The following RCC1 variants were observed in gnomAD, a reference collection of about 807,000 sequenced individuals.
The protein encoded by RCC1 is regulator of chromosome condensation.
A neutral mutation model predicts 44.4 loss-of-function variants in RCC1; 11 were observed. The ratio of observed to expected loss-of-function variants is 0.25; its 90% confidence interval spans 0.16 to 0.41. The LOEUF (loss-of-function observed/expected upper bound fraction) is 0.41. Among genes scored for constraint, RCC1 ranks in the 10% least tolerant of loss-of-function variants. The pLI is 1.00. For synonymous variants in RCC1, 213 were observed against 216.5 expected (o/e 0.98, Z 0.14); for missense variants, 386 against 547.1 (o/e 0.71, Z 2.94).
chr1:28,506,198 TTAC>T (rs1479048765), intron 1 of RCC1, 114 bp downstream of exon 1: 3 of 443,298 alleles, frequency 6.8e-6, no homozygotes, highest in Non-Finnish European at 1.3e-5. Context: ...TTTTATTTAT[TTAC>T]TTTTTTTTTT....
chr1:28,508,784 T>G (rs748243866), intron 2 of RCC1, 46 bp from the exon 3 acceptor site: 1 of 518,728 alleles, frequency 1.9e-6, no homozygotes. Flanking sequence ...GATTTTAAGT[T>G]GAAGTAGGAT....
At chr1:28,535,598 C>G in intron 9 of RCC1, 2 of 807,890 alleles carry the variant, frequency 2.5e-6, no homozygotes, top group Middle Eastern at 2.2e-4. Flanking sequence ...ACCTGTAAAC[C>G]TACTTCATTA....
At chr1:28,511,435 C>G (rs765379853) in intron 3 of RCC1, among the ~76,000 whole-genome samples, 4 of 148,712 alleles carry the variant, frequency 2.7e-5, no homozygotes, top group Admixed American at 6.8e-5. Flanking sequence ...GAGTCTCGCT[C>G]TGTCGCCCAG....
chr1:28,506,201 C>A, intron 1 of RCC1, 117 bp downstream of exon 1: 1 of 400,968 alleles, frequency 2.5e-6, no homozygotes, highest in Non-Finnish European at 4.9e-6. Context: ...TATTTATTTA[C>A]TTTTTTTTTT....
intron 4 of RCC1, among the ~76,000 whole-genome samples, chr1:28,525,816 C>G (rs562954412): frequency 1.3e-5 from 2 of 152,178 alleles, no homozygotes; most frequent in South Asian, 4.1e-4. Context: ...GTCCATATAC[C>G]ATGGAGGGGA....
At chr1:28,532,533 G>C in intron 7 of RCC1, 183 bp downstream of exon 7, 1 of 614,810 alleles carries the variant, frequency 1.6e-6, no homozygotes, top group Non-Finnish European at 2.9e-6. Flanking sequence ...CACGCCACTG[G>C]CTGCTTCCTT....
Position 28,536,176 on chromosome 1 carries a change from T to A in RCC1, c.818-86T>A. On this transcript the variant is annotated intron_variant, in intron 10 of 12. Transcript: ENST00000683442. The surrounding 1 kb of genome is among the most constrained non-coding windows in gnomAD (Gnocchi z 4.9). ...TAAAGTGAGAATGTCCATATCCTGA[T>A]GGGAGGTGGCCTCACTGTGGGAGGA... is the stretch of plus-strand genomic sequence containing the variant. 6.4e-7 allele frequency: 1 copy of A among 1,568,904 alleles called. No individual in the cohort carries two copies. The highest frequency in any genetic ancestry group is 8.7e-7 in the Non-Finnish European group (1 of 1,155,986).
At chr1:28,510,878 T>G (rs1204714255) in intron 3 of RCC1, 2 of 152,212 alleles carry the variant, frequency 1.3e-5, no homozygotes, top group African/African-American at 2.4e-5. Flanking sequence ...CTGAGTAAAG[T>G]GATTTTTTTC....
chr1:28,516,241 C>T (rs895757133), intron 3 of RCC1, among the ~76,000 whole-genome samples: 11 of 151,866 alleles, frequency 7.2e-5, no homozygotes, highest in African/African-American at 2.7e-4. Context: ...AGGCTGGGCG[C>T]GGAGGCTCAC....
In RCC1 at chr1:28,535,379, C is replaced by T. The variant is rs778491374; in HGVS notation, c.660C>T (p.Leu220=). 2.4e-5 allele frequency: 39 copies of T among 1,613,830 alleles called. No individual in the cohort carries two copies. Among genetic ancestry groups the T allele is most frequent in the African/African-American group, 1.5e-4 (11 of 74,936 alleles). ...CCAACCGTGGTGGCCGGCAAGGCCTCGGTAAGTGGCCTTGGTACCTCCAGC... is the reference window on the plus strand; with the variant it reads ...CCAACCGTGGTGGCCGGCAAGGCCTTGGTAAGTGGCCTTGGTACCTCCAGC... The part of the protein sequence containing the change: ...LFANRGGRQG[L]ERLLVPKCVM... The change falls in exon 9 of 13, where the codon CTC becomes CTT. Residue 220 remains leucine, a splice_region_variant and synonymous_variant. Coordinates refer to ENST00000683442, the MANE Select transcript of RCC1 (RefSeq NM_001381865.2).
chr1:28,533,054 T>C (rs918315648), intron 7 of RCC1, among the ~76,000 whole-genome samples: 1 of 152,178 alleles, frequency 6.6e-6, no homozygotes, highest in African/African-American at 2.4e-5. Context: ...CCCCAGGTGA[T>C]CCACCCGCCT....
At position 28,538,254 on chromosome 1, in the gene RCC1, A is replaced by G. The variant is rs922237958; in HGVS notation, c.*247A>G. 1.6e-5 allele frequency: 6 copies of G among 376,452 alleles called. No homozygotes were observed. Among genetic ancestry groups the G allele is most frequent in the Non-Finnish European group, 2.9e-5 (6 of 209,126 alleles). The allele number at this position is 376,452 out of a possible 1,614,324, so 23.3% of individuals were successfully genotyped here. A position where few individuals can be genotyped will look rare whatever the true frequency, so the allele number is the denominator to read the frequency against. ...TTCAAAAGGAACATGGCTCACTCAG[A>G]GCTATATGGTTAGACGTTTCTCCCC... On this transcript the variant is annotated 3_prime_UTR_variant, in exon 13 of 13. Coordinates refer to ENST00000683442, the MANE Select transcript of RCC1 (RefSeq NM_001381865.2).
At position 28,538,672 on chromosome 1, in the gene RCC1, A is replaced by G. The variant is rs1400849566; in HGVS notation, c.*665A>G. ...GGTGTTGCTTGTGTACATCGTACCC[A>G]TCCATTCGGCTTCACCTGCAGCCAA... On this transcript the variant is annotated 3_prime_UTR_variant, in exon 13 of 13. Transcript: ENST00000683442. 2 of 152,274 alleles carry G rather than the reference A, an allele frequency of 1.3e-5. No homozygotes were observed. Among genetic ancestry groups the G allele is most frequent in the African/African-American group, 4.8e-5 (2 of 41,480 alleles). The allele number at this position is 152,274 out of a possible 1,614,324, so 9.4% of individuals were successfully genotyped here. A position where few individuals can be genotyped will look rare whatever the true frequency, so the allele number is the denominator to read the frequency against.
At chr1:28,514,072 G>A (rs1207864901) in intron 3 of RCC1, among the ~76,000 whole-genome samples, 2 of 151,990 alleles carry the variant, frequency 1.3e-5, no homozygotes, top group Non-Finnish European at 2.9e-5. Context: ...GGGAGGCTGA[G>A]GCAGAAGATT....
At chr1:28,507,569 G>A (rs1258407432) in intron 1 of RCC1, 1 of 512,564 alleles carries the variant, frequency 2.0e-6, no homozygotes, top group Admixed American at 2.0e-5. Flanking sequence ...GCAGGAAACA[G>A]CCTTCTAGAG....
Position 28,516,880 on chromosome 1 carries a change from GAAGACAGGGGAGTGCTTT to G in RCC1, c.-10+14_-10+31del. On this transcript the variant is annotated intron_variant, in intron 4 of 12. Transcript: ENST00000683442. ...TAAACTTGGAGAGGTAAGAAACCCT[GAAGACAGGGGAGTGCTTT>G]GTGGCAGGCTCTGCATATAAGAATT... 2.2e-6 allele frequency: 1 copy of G among 456,558 alleles called. No homozygotes were observed. Among genetic ancestry groups the G allele is most frequent in the Non-Finnish European group, 4.4e-6 (1 of 226,888 alleles). The allele number at this position is 456,558 out of a possible 1,614,324, so 28.3% of individuals were successfully genotyped here. A position where few individuals can be genotyped will look rare whatever the true frequency, so the allele number is the denominator to read the frequency against.
intron 2 of RCC1, 92 bp from the exon 3 acceptor site, chr1:28,508,726 ACAATGACTGGGG>A (rs1450858497): frequency 1.9e-6 from 1 of 518,674 alleles, no homozygotes; most frequent in East Asian, 5.4e-5. Flanking sequence ...AGTCCTGTGG[ACAATGACTGGGG>A]AGACAAACCA....
intron 3 of RCC1, chr1:28,509,812 G>A (rs1000887445): frequency 3.9e-5 from 6 of 152,154 alleles, no homozygotes; most frequent in African/African-American, 1.4e-4. Context: ...TGGATATTAG[G>A]TCCTGACCAA....
chr1:28,513,032 C>T (rs1662661034), intron 3 of RCC1, among the ~76,000 whole-genome samples: 1 of 151,678 alleles, frequency 6.6e-6, no homozygotes, highest in Admixed American at 6.6e-5. Context: ...CTCGGCCTCC[C>T]AAAGTGCTGG....
Sources: gnomAD v4.1 joint callset for allele counts (sites outside exome capture counted in the v4.1 genomes callset) on GRCh38, gnomAD v4.1.1 for gene constraint, Gnocchi (gnomAD v3.1) non-coding constraint, MANE v1.5 for transcripts, NCBI Gene and HGNC (gene_info 2026-07-23, HGNC 2026-07-21) for gene names.